Variants in COMMD6 observed in about 807,000 individuals in gnomAD.
COMMD6 encodes the protein COMM domain containing 6, also known as COMM domain-containing protein 6.
COMMD6 carries 11 observed loss-of-function variants against 13.4 expected under a neutral mutation model. That is an observed-to-expected ratio of 0.82 (90% CI 0.52 to 1.36). The LOEUF (loss-of-function observed/expected upper bound fraction) is 1.36, where lower values mean the gene tolerates loss of function less well. Ranked by LOEUF, COMMD6 falls within the 40% of genes most tolerant of loss-of-function variation. The pLI, the probability that COMMD6 is intolerant of heterozygous loss-of-function variation, is 0.00. For synonymous variants in COMMD6, 43 were observed against 36.5 expected (o/e 1.18, Z -0.64); for missense variants, 124 against 102.4 (o/e 1.21, Z -0.91).
chr13:75,527,783 A>G (rs765946946), intron 3 of COMMD6: 1 of 1,454,480 alleles, frequency 6.9e-7, no homozygotes, highest in Non-Finnish European at 9.1e-7. Flanking sequence ...GATCTCACTT[A>G]TATGTGGAAT....
At chr13:75,540,332 ACACACACACACC>A (rs1349994295), upstream of COMMD6, among the ~76,000 whole-genome samples, 4 of 113,596 alleles carry the variant, frequency 3.5e-5, no homozygotes, top group African/African-American at 7.4e-5. Context: ...AAATACACAC[ACACACACACACC>A]CACACACACA....
upstream of COMMD6, among the ~76,000 whole-genome samples, chr13:75,541,565 G>A (rs184822424): frequency 1.4e-3 from 220 of 151,936 alleles, no homozygotes; most frequent in African/African-American, 4.9e-3. Context: ...GGACCAATAC[G>A]GGTCTGGAGT....
upstream of COMMD6, among the ~76,000 whole-genome samples, chr13:75,540,756 T>C (rs1420573812): frequency 6.6e-6 from 1 of 152,240 alleles, no homozygotes; most frequent in African/African-American, 2.4e-5. Flanking sequence ...CATAATGACA[T>C]ATAAGTAGAA....
chr13:75,537,807 G>T lies in COMMD6; in HGVS notation c.-2C>A. ...CGGCGGCTCGCTGGACGCCTCCATGGGCAGCGTCTGGGACTTGCGGCCCGG... is the reference window on the plus strand; with the variant it reads ...CGGCGGCTCGCTGGACGCCTCCATGTGCAGCGTCTGGGACTTGCGGCCCGG... On this transcript the variant is annotated 5_prime_UTR_variant, in exon 1 of 4. Coordinates refer to ENST00000682242, the MANE Select transcript of COMMD6 (RefSeq NM_203495.4). The T allele has an allele frequency of 6.2e-7, 1 of 1,603,050 alleles. No individual in the cohort carries two copies. The highest frequency in any genetic ancestry group is 8.5e-7 in the Non-Finnish European group (1 of 1,172,832).
At position 75,526,646 on chromosome 13, in the gene COMMD6, A is replaced by G. The variant is rs571242417; in HGVS notation, c.208-7T>C. The G allele has an allele frequency of 1.3e-5, 20 of 1,589,924 alleles. No homozygotes were observed. In the African/African-American group the frequency reaches 1.9e-4, roughly 15 times the overall value. On this transcript the variant is annotated splice_polypyrimidine_tract_variant and splice_region_variant and intron_variant, in intron 3 of 3. Transcript: ENST00000682242. ...TGAACTGTCTGTAGAAATTCTGGAG[A>G]GAAAGGGGGAAAATAATATTAATTT...
chr13:75,533,240 T>A (rs538200546), intron 2 of COMMD6, among the ~76,000 whole-genome samples: 1 of 151,972 alleles, frequency 6.6e-6, no homozygotes, highest in South Asian at 2.1e-4. Flanking sequence ...CCGAAAGTTT[T>A]TCAATAGAGA....
chr13:75,529,113 G>GT (rs769284818), intron 3 of COMMD6, among the ~76,000 whole-genome samples: 4 of 152,172 alleles, frequency 2.6e-5, no homozygotes, highest in East Asian at 1.9e-4. Context: ...TCGTACTAGT[G>GT]TAAGTGCTAA....
upstream of COMMD6, among the ~76,000 whole-genome samples, chr13:75,543,418 C>G (rs963566984): frequency 6.6e-6 from 1 of 152,220 alleles, no homozygotes; most frequent in African/African-American, 2.4e-5. Context: ...GAACACAGCC[C>G]TGTCAACATT....
chr13:75,537,615 C>G, intron 2 of COMMD6, 49 bp downstream of exon 2: 1 of 1,613,190 alleles, frequency 6.2e-7, no homozygotes, highest in South Asian at 1.1e-5. Flanking sequence ...GCCTCGCGGC[C>G]GTGGGAGGCA....
chr13:75,544,150 A>G (rs1031353182), intron 1 of COMMD6, among the ~76,000 whole-genome samples: 1 of 152,136 alleles, frequency 6.6e-6, no homozygotes, highest in African/African-American at 2.4e-5. Flanking sequence ...ATCAAGCAGC[A>G]TCAGTAAGAT....
At chr13:75,545,370 T>G (rs7325969) in intron 1 of COMMD6, among the ~76,000 whole-genome samples, 16,217 of 152,280 alleles carry the variant, frequency 0.11, 1,108 homozygotes, top group Non-Finnish European at 0.15. Flanking sequence ...AGTCAGGTGT[T>G]GTACAAATAG....
At chr13:75,545,718 G>A (rs758256628) in intron 1 of COMMD6, among the ~76,000 whole-genome samples, 21 of 148,344 alleles carry the variant, frequency 1.4e-4, no homozygotes, top group Admixed American at 1.1e-3. Context: ...TGATCTGCCC[G>A]CCTCGGCCTC....
At chr13:75,544,930 A>AAAAAAAC (rs2030882038) in intron 1 of COMMD6, among the ~76,000 whole-genome samples, 2 of 150,460 alleles carry the variant, frequency 1.3e-5, no homozygotes, top group African/African-American at 4.9e-5. Flanking sequence ...TGTCTCCAAA[A>AAAAAAAC]AAAAAAAAAA....
At chr13:75,543,235 T>C (rs2030853587), upstream of COMMD6, among the ~76,000 whole-genome samples, 1 of 152,192 alleles carries the variant, frequency 6.6e-6, no homozygotes, top group Middle Eastern at 3.2e-3. Flanking sequence ...ACTATGCTCA[T>C]TACCTGGGTG....
At chr13:75,547,372 G>A (rs936856227) in intron 1 of COMMD6, among the ~76,000 whole-genome samples, 29 of 152,148 alleles carry the variant, frequency 1.9e-4, no homozygotes, top group Non-Finnish European at 8.8e-5. Context: ...TGTGAGTATA[G>A]ATTTGGGAAT....
Position 75,530,213 on chromosome 13 carries a change from T to C in COMMD6, c.108A>G (p.Arg36=). The C allele has an allele frequency of 6.2e-7, 1 of 1,613,614 alleles. No individual in the cohort carries two copies. The change falls in exon 3 of 4, where the codon AGA becomes AGG. Residue 36 remains arginine, a synonymous_variant. Coordinates refer to ENST00000682242, the MANE Select transcript of COMMD6 (RefSeq NM_203495.4). ...LGMAVSSDTC[R]SLKYPYVAVM... is the part of the protein sequence containing the mutation. The stretch of plus-strand genomic sequence containing the variant: ...CTGCAACGTAAGGATACTTAAGAGA[T>C]CTGCAAGTGTCTGAGCTCACAGCCA...
At chr13:75,527,370 T>C (rs2030299641) in intron 3 of COMMD6, among the ~76,000 whole-genome samples, 1 of 152,256 alleles carries the variant, frequency 6.6e-6, no homozygotes, top group Non-Finnish European at 1.5e-5. Flanking sequence ...TATGCAAATT[T>C]GTCACAGAAT....
upstream of COMMD6, among the ~76,000 whole-genome samples, chr13:75,541,876 G>A (rs1018841129): frequency 9.9e-5 from 15 of 152,150 alleles, no homozygotes; most frequent in Admixed American, 4.6e-4. Context: ...AATATGTTAT[G>A]GTGCATGTTT....
At chr13:75,533,544 G>A (rs2030561667) in intron 2 of COMMD6, among the ~76,000 whole-genome samples, 1 of 146,756 alleles carries the variant, frequency 6.8e-6, no homozygotes, top group Admixed American at 6.9e-5. Context: ...ACTCCAGCCT[G>A]GGCAACAGAG....
Sources: allele counts gnomAD v4.1 joint callset (sites outside exome capture counted in the v4.1 genomes callset), GRCh38; gene constraint gnomAD v4.1.1; transcripts MANE v1.5; gene names NCBI Gene and HGNC (gene_info 2026-07-23, HGNC 2026-07-21).